TYW1B: variants seen among roughly 807,000 people sequenced by gnomAD.
The protein encoded by TYW1B is tRNA-yW synthesizing protein 1 homolog B, also known as S-adenosyl-L-methionine-dependent tRNA 4-demethylwyosine synthase TYW1B.
In TYW1B, 73 loss-of-function variants were observed where a neutral mutation model predicts 86.9. The observed-to-expected ratio is 0.84, with a 90% CI of 0.70 to 1.02. TYW1B has a LOEUF of 1.02. Among genes scored for constraint, TYW1B ranks in the 50% least tolerant of loss-of-function variants. The probability of loss-of-function intolerance (pLI) is 0.00; values close to 1 mark genes in which losing one functional copy is unlikely to be tolerated. For synonymous variants in TYW1B, 248 were observed against 292.8 expected, an observed-to-expected ratio of 0.85 and a Z score of 1.56; for missense variants, 637 against 827.4, an observed-to-expected ratio of 0.77 and a Z score of 2.82.
chr7:72,614,599 C>T (rs1185399804), intron 13 of TYW1B, among the ~76,000 whole-genome samples: 2 of 150,640 alleles, frequency 1.3e-5, no homozygotes, highest in East Asian at 3.9e-4. Flanking sequence ...CGTCACCACA[C>T]TCCAGCCTGT....
At chr7:72,746,539 A>G (rs1269814811) in intron 7 of TYW1B, among the ~76,000 whole-genome samples, 5 of 152,328 alleles carry the variant, frequency 3.3e-5, no homozygotes, top group East Asian at 1.9e-4. Context: ...CCCCTGTCCC[A>G]TTCAGGTTGA....
chr7:72,597,223 G>C (rs144791032), intron 13 of TYW1B, among the ~76,000 whole-genome samples: 2,344 of 117,938 alleles, frequency 0.02, no homozygotes, highest in African/African-American at 0.05. Flanking sequence ...TTCATAGATT[G>C]AATAAGAAAT....
chr7:72,627,505 CATAACAT>C (rs1812377092), intron 12 of TYW1B, among the ~76,000 whole-genome samples: 2 of 141,314 alleles, frequency 1.4e-5, no homozygotes, highest in African/African-American at 5.4e-5. Context: ...CATAACATAA[CATAACAT>C]AAATAAAATA....
chr7:72,588,392 G>A (rs1393725929), intron 13 of TYW1B, among the ~76,000 whole-genome samples: 1 of 152,184 alleles, frequency 6.6e-6, no homozygotes, highest in African/African-American at 2.4e-5. Context: ...CTCTGATGAG[G>A]GTGAGTTCCA....
At chr7:72,642,933 AAC>A (rs1437076057) in intron 11 of TYW1B, among the ~76,000 whole-genome samples, 3 of 152,176 alleles carry the variant, frequency 2.0e-5, no homozygotes, top group African/African-American at 4.8e-5. Context: ...TTCATGCTAT[AAC>A]ACGCGCTAAC....
At chr7:72,651,717 T>C (rs1554442831) in intron 11 of TYW1B, among the ~76,000 whole-genome samples, 1 of 152,074 alleles carries the variant, frequency 6.6e-6, no homozygotes, top group Admixed American at 6.6e-5. Context: ...AAAACACGTT[T>C]GCAAGTCATA....
intron 7 of TYW1B, among the ~76,000 whole-genome samples, chr7:72,759,369 C>T (rs1208903135): frequency 6.6e-6 from 1 of 152,126 alleles, no homozygotes; most frequent in Admixed American, 6.5e-5. Context: ...TGGTTGCCAC[C>T]ATCTGAAACA....
intron 8 of TYW1B, among the ~76,000 whole-genome samples, chr7:72,733,610 G>A (rs78684371): frequency 4.6e-5 from 7 of 152,014 alleles, no homozygotes; most frequent in African/African-American, 9.7e-5. Flanking sequence ...GCAGTGAACT[G>A]AGATTGTGCC....
At chr7:72,784,144 G>GAA (rs34367024) in intron 6 of TYW1B, among the ~76,000 whole-genome samples, 2,639 of 147,076 alleles carry the variant, frequency 0.018, 65 homozygotes, top group African/African-American at 0.048. Context: ...ATTTACTGCA[G>GAA]AAAAAAAAAA....
rs114947775 is a variant in TYW1B at position 72,697,399 on chromosome 7, G to A, written c.1371-2577C>T. Among the ~76,000 whole-genome samples the A allele has an allele frequency of 2.3e-3, 346 of 152,164 alleles. 3 individuals are homozygous for A. The highest frequency in any genetic ancestry group is 7.8e-3 in the African/African-American group (322 of 41,536). ...AGGAAGTCTACAGATCTCTCGTCAA[G>A]GAGCAGAGGAAGAATGGAGAAGAGG... is the stretch of plus-strand genomic sequence containing the variant. On this transcript the variant is annotated intron_variant, in intron 10 of 13. Coordinates refer to ENST00000620995, the MANE Select transcript of TYW1B (RefSeq NM_001145440.3).
At position 72,793,749 on chromosome 7, in the gene TYW1B, C is replaced by T. The variant is rs11981358; in HGVS notation, c.846+8651G>A. Among the ~76,000 whole-genome samples the T allele has an allele frequency of 5.7e-3, 818 of 144,246 alleles. 7 individuals are homozygous for T. The highest frequency in any genetic ancestry group is 0.02 in the African/African-American group (756 of 38,514). The allele number at this position is 144,246 out of a possible 152,430, so 94.6% of individuals were successfully genotyped here. ...CAGCCTTGGCGACAGAACGAGACTC[C>T]GTCTCAAAAAAAAAAAAAAAAATGC... On this transcript the variant is annotated intron_variant, in intron 6 of 13. Coordinates refer to ENST00000620995, the MANE Select transcript of TYW1B (RefSeq NM_001145440.3).
At chr7:72,616,482 A>C (rs1812074146) in intron 13 of TYW1B, among the ~76,000 whole-genome samples, 190 bp downstream of exon 13, 1 of 152,354 alleles carries the variant, frequency 6.6e-6, no homozygotes, top group Non-Finnish European at 1.5e-5. Context: ...CTAAACAAGA[A>C]GCAATTTCAC....
chr7:72,685,928 C>A (rs1813997524), intron 11 of TYW1B, among the ~76,000 whole-genome samples: 1 of 152,110 alleles, frequency 6.6e-6, no homozygotes, highest in South Asian at 2.1e-4. Flanking sequence ...ACAAAGAACT[C>A]TTAAATCTCA....
chr7:72,822,038 G>A (rs1554480545), intron 2 of TYW1B, among the ~76,000 whole-genome samples: 1 of 151,622 alleles, frequency 6.6e-6, no homozygotes, highest in Non-Finnish European at 1.5e-5. Flanking sequence ...TTGAGGCTAG[G>A]AGTTTGAGAC....
At chr7:72,669,042 T>G (rs1296705752) in intron 11 of TYW1B, among the ~76,000 whole-genome samples, 1 of 151,928 alleles carries the variant, frequency 6.6e-6, no homozygotes, top group Non-Finnish European at 1.5e-5. Flanking sequence ...TGGTGGAAAT[T>G]ATTATAGTAT....
At chr7:72,587,251 G>A (rs1167239961) in intron 13 of TYW1B, among the ~76,000 whole-genome samples, 2 of 152,174 alleles carry the variant, frequency 1.3e-5, no homozygotes, top group African/African-American at 4.8e-5. Context: ...CTACAAAAAA[G>A]AGTGTTACTG....
intron 13 of TYW1B, among the ~76,000 whole-genome samples, chr7:72,587,080 C>G (rs1811294383): frequency 6.6e-6 from 1 of 152,144 alleles, no homozygotes; most frequent in Non-Finnish European, 1.5e-5. Context: ...AACATACAAT[C>G]ATACTTACAA....
chr7:72,709,464 C>A (rs1239553061), intron 10 of TYW1B, among the ~76,000 whole-genome samples: 1 of 67,552 alleles, frequency 1.5e-5, no homozygotes, highest in South Asian at 4.5e-4. Context: ...GTCAGGAGAT[C>A]GAGACCATCC....
chr7:72,618,929 A>G (rs1251060889), intron 12 of TYW1B, among the ~76,000 whole-genome samples: 3 of 152,184 alleles, frequency 2.0e-5, no homozygotes, highest in African/African-American at 7.2e-5. Flanking sequence ...GTTGGAACCA[A>G]CATGGCCAAT....
Sources: gnomAD v4.1 joint callset for allele counts (sites outside exome capture counted in the v4.1 genomes callset) on GRCh38, gnomAD v4.1.1 for gene constraint, MANE v1.5 for transcripts, NCBI Gene and HGNC (gene_info 2026-07-23, HGNC 2026-07-21) for gene names.